The following NRXN1 variants were observed in gnomAD, a reference collection of about 807,000 sequenced individuals.
NRXN1 encodes the protein neurexin 1.
In NRXN1, 39 loss-of-function variants were observed where a neutral mutation model predicts 150.9. That is an observed-to-expected ratio of 0.26 (90% CI 0.20 to 0.34). The LOEUF is 0.34. NRXN1 is among the 10% of genes least tolerant of loss of function. The pLI, the probability that NRXN1 is intolerant of heterozygous loss-of-function variation, is 1.00. For missense variants in NRXN1, 1,815 were observed against 1,949.9 expected (o/e 0.93, Z 1.30); for synonymous variants, 924 against 757.0 (o/e 1.22, Z -3.62).
At chr2:50,602,583 T>TTTCCTTCC (rs565969265) in intron 8 of NRXN1, among the ~76,000 whole-genome samples, 5 of 151,800 alleles carry the variant, frequency 3.3e-5, no homozygotes, top group Non-Finnish European at 5.9e-5. Flanking sequence ...CAAAAGGAAG[T>TTTCCTTCC]TTCCTTCCTT....
intron 17 of NRXN1, among the ~76,000 whole-genome samples, chr2:50,380,024 T>C (rs781577845): frequency 2.0e-5 from 3 of 152,114 alleles, no homozygotes; most frequent in African/African-American, 7.2e-5. Flanking sequence ...TAGGATAATA[T>C]CCAATATGAG....
At chr2:50,250,919 T>A (rs1258004186) in intron 17 of NRXN1, among the ~76,000 whole-genome samples, 1 of 151,560 alleles carries the variant, frequency 6.6e-6, no homozygotes, top group Non-Finnish European at 1.5e-5. Flanking sequence ...TTATTACACA[T>A]TGCATATGTA....
intron 12 of NRXN1, among the ~76,000 whole-genome samples, chr2:50,527,175 C>T (rs1288636502): frequency 6.6e-6 from 1 of 152,128 alleles, no homozygotes; most frequent in African/African-American, 2.4e-5. Flanking sequence ...TTGGTCCCCA[C>T]AAGGATTTTC....
chr2:50,056,643 T>G (rs1207456421), intron 19 of NRXN1, among the ~76,000 whole-genome samples: 2 of 152,122 alleles, frequency 1.3e-5, no homozygotes, highest in African/African-American at 4.8e-5. Context: ...ACAAAATTTG[T>G]GTTCTCTGTT....
chr2:50,182,465 T>C (rs2060796189), intron 18 of NRXN1, among the ~76,000 whole-genome samples: 1 of 152,124 alleles, frequency 6.6e-6, no homozygotes, highest in Non-Finnish European at 1.5e-5. Flanking sequence ...ATTTGCCACT[T>C]TCTTTCTTTC....
chr2:50,056,228 T>A (rs1441567333), intron 19 of NRXN1, among the ~76,000 whole-genome samples: 1 of 152,134 alleles, frequency 6.6e-6, no homozygotes, highest in Admixed American at 6.6e-5. Flanking sequence ...TGAATAGATT[T>A]ACATTTTATT....
At chr2:50,195,280 T>A (rs2061685925) in intron 18 of NRXN1, among the ~76,000 whole-genome samples, 1 of 152,160 alleles carries the variant, frequency 6.6e-6, no homozygotes, top group Admixed American at 6.6e-5. Context: ...ACTTCAAAGA[T>A]CAATTCTTCA....
chr2:50,596,520 G>A (rs1446620312), intron 8 of NRXN1, among the ~76,000 whole-genome samples: 3 of 152,126 alleles, frequency 2.0e-5, no homozygotes, highest in Non-Finnish European at 4.4e-5. Context: ...CTGGACTTAC[G>A]TTTGGAATAG....
chr2:50,638,294 C>G (rs571642077), intron 5 of NRXN1, among the ~76,000 whole-genome samples: 19 of 152,180 alleles, frequency 1.2e-4, no homozygotes, highest in African/African-American at 4.6e-4. Context: ...CTAGTTAGTT[C>G]CAATGACCAG....
At chr2:50,106,327 T>C (rs1191547530) in intron 18 of NRXN1, among the ~76,000 whole-genome samples, 5 of 151,956 alleles carry the variant, frequency 3.3e-5, no homozygotes, top group East Asian at 1.9e-4. Context: ...GAATGCTTAA[T>C]GCAAGGAATC....
intron 5 of NRXN1, among the ~76,000 whole-genome samples, chr2:50,748,537 C>G (rs1273774726): frequency 6.6e-6 from 1 of 152,018 alleles, no homozygotes; most frequent in Non-Finnish European, 1.5e-5. Flanking sequence ...AATTTATAAT[C>G]AATATAACAA....
At chr2:50,109,116 T>C (rs370883760) in intron 18 of NRXN1, among the ~76,000 whole-genome samples, 2 of 152,178 alleles carry the variant, frequency 1.3e-5, no homozygotes, top group African/African-American at 4.8e-5. Flanking sequence ...ATATAGACTC[T>C]GTGTGATGGA....
intron 21 of NRXN1, among the ~76,000 whole-genome samples, chr2:49,998,596 T>C (rs1378987882): frequency 5.9e-5 from 9 of 152,126 alleles, no homozygotes; most frequent in African/African-American, 2.4e-5. Flanking sequence ...CAATTTTTGC[T>C]GAAAAACCAA....
At position 50,347,174 on chromosome 2, in the gene NRXN1, G is replaced by A. The variant is rs1424249914; in HGVS notation, c.3365-110204C>T. The A allele has an allele frequency of 1.5e-6, 2 of 1,362,336 alleles. No homozygotes were observed. Among genetic ancestry groups the A allele is most frequent in the Non-Finnish European group, 1.9e-6 (2 of 1,037,442 alleles). 84.4% of individuals were successfully genotyped at this position (1,362,336 alleles called of 1,614,324 possible). A position where few individuals can be genotyped will look rare whatever the true frequency, so the allele number is the denominator to read the frequency against. On this transcript the variant is annotated intron_variant, in intron 17 of 22. Coordinates refer to ENST00000401669, the MANE Select transcript of NRXN1 (RefSeq NM_001330078.2). The surrounding 1 kb of genome is among the most constrained non-coding windows in gnomAD (Gnocchi z 4.9). The stretch of plus-strand genomic sequence containing the variant: ...CCGAAACATAGCCGAGGCGAATGCA[G>A]CTGGAGAGGGGCTTGTCCGGAAAGG...
At chr2:50,472,539 G>GAGAAAAA in intron 15 of NRXN1, 68 bp from the exon 16 acceptor site, 1 of 1,244,556 alleles carries the variant, frequency 8.0e-7, no homozygotes, top group Non-Finnish European at 1.1e-6. Context: ...CAGTAGGATG[G>GAGAAAAA]AGAAAAAACA....
chr2:50,323,747 C>A (rs996631848), intron 17 of NRXN1, among the ~76,000 whole-genome samples: 3 of 152,082 alleles, frequency 2.0e-5, no homozygotes, highest in African/African-American at 7.2e-5. Context: ...CCAAAATATG[C>A]CTATGTGTAT....
intron 8 of NRXN1, among the ~76,000 whole-genome samples, chr2:50,562,238 A>C (rs1669195895): frequency 6.6e-6 from 1 of 152,122 alleles, no homozygotes; most frequent in African/African-American, 2.4e-5. Flanking sequence ...TTTTCTAAGG[A>C]GGCAGACATT....
intron 5 of NRXN1, among the ~76,000 whole-genome samples, chr2:50,806,050 T>C (rs540928889): frequency 1.3e-5 from 2 of 152,330 alleles, no homozygotes; most frequent in East Asian, 1.9e-4. Context: ...TACACAAATA[T>C]GTTTAAATGA....
intron 21 of NRXN1, among the ~76,000 whole-genome samples, chr2:50,020,084 G>A (rs1687336726): frequency 6.7e-6 from 1 of 149,798 alleles, no homozygotes; most frequent in African/African-American, 2.5e-5. Flanking sequence ...AGGTGTATTT[G>A]TATACATTCA....
Sources: gnomAD v4.1 joint callset for allele counts (sites outside exome capture counted in the v4.1 genomes callset) on GRCh38, gnomAD v4.1.1 for gene constraint, Gnocchi (gnomAD v3.1) non-coding constraint, MANE v1.5 for transcripts, NCBI Gene and HGNC (gene_info 2026-07-23, HGNC 2026-07-21) for gene names.